Variants in CLMN observed in about 807,000 individuals in gnomAD.
The protein encoded by CLMN is calmin (calponin-like, transmembrane).
In CLMN, 57 loss-of-function variants were observed where a neutral mutation model predicts 92.7. The observed-to-expected ratio is 0.61, with a 90% confidence interval of 0.50 to 0.77. CLMN has a LOEUF of 0.77. CLMN is among the 30% of genes least tolerant of loss of function. The probability of loss-of-function intolerance (pLI) is 0.00; values close to 1 mark genes in which losing one functional copy is unlikely to be tolerated. For missense variants in CLMN, 1,158 were observed against 1,237.5 expected, an observed-to-expected ratio of 0.94 and a Z score of 0.96; for synonymous variants, 466 against 470.6, an observed-to-expected ratio of 0.99 and a Z score of 0.13.
At chr14:95,209,355 T>C (rs1357017035) in intron 8 of CLMN, 40 bp downstream of exon 8, 1 of 1,581,962 alleles carries the variant, frequency 6.3e-7, no homozygotes, top group Non-Finnish European at 8.7e-7. Flanking sequence ...CGGATGGAAA[T>C]GTATGGTGTC....
chr14:95,220,922 G>A (rs1897518090), intron 4 of CLMN, among the ~76,000 whole-genome samples: 1 of 152,212 alleles, frequency 6.6e-6, no homozygotes, highest in African/African-American at 2.4e-5. Context: ...GCCTGGCATG[G>A]GTTCTGTCCC....
intron 1 of CLMN, among the ~76,000 whole-genome samples, chr14:95,257,758 C>G (rs1899060302): frequency 6.6e-6 from 1 of 152,264 alleles, no homozygotes; most frequent in Non-Finnish European, 1.5e-5. Context: ...ATCTCAGCAC[C>G]CTGGTCCTCC....
chr14:95,311,691 G>A (rs1010750609), intron 1 of CLMN, among the ~76,000 whole-genome samples: 4 of 152,070 alleles, frequency 2.6e-5, no homozygotes, highest in Non-Finnish European at 5.9e-5. Context: ...TGCATGCCCC[G>A]ACCCAACCCT....
rs542842206 is a variant in CLMN at position 95,183,187 on chromosome 14, C to G, written c.*8377G>C. On this transcript the variant is annotated 3_prime_UTR_variant, in exon 13 of 13. Coordinates refer to ENST00000298912, the MANE Select transcript of CLMN (RefSeq NM_024734.4). ...ACAGCTAGGACGTGGGTTCTCCATA[C>G]CCATACCAGTGTTGGCCTGCTTTGG... 1 of 152,366 alleles carries G rather than the reference C, an allele frequency of 6.6e-6. No individual in the cohort carries two copies. Among genetic ancestry groups the G allele is most frequent in the East Asian group, 1.9e-4 (1 of 5,192 alleles). 9.4% of individuals were successfully genotyped at this position (152,366 alleles called of 1,614,324 possible). A position where few individuals can be genotyped will look rare whatever the true frequency, so the allele number is the denominator to read the frequency against.
intron 1 of CLMN, among the ~76,000 whole-genome samples, chr14:95,316,444 C>T (rs1901775209): frequency 6.6e-6 from 1 of 152,240 alleles, no homozygotes; most frequent in African/African-American, 2.4e-5. Context: ...ACTGCATCTG[C>T]TCAAGTATCA....
At chr14:95,281,128 T>C (rs1214868032) in intron 1 of CLMN, among the ~76,000 whole-genome samples, 1 of 152,192 alleles carries the variant, frequency 6.6e-6, no homozygotes, top group African/African-American at 2.4e-5. Context: ...CTAATAAAAG[T>C]TCTGACAGGC....
chr14:95,280,742 T>C (rs1368522322), intron 1 of CLMN, among the ~76,000 whole-genome samples: 1 of 152,204 alleles, frequency 6.6e-6, no homozygotes, highest in African/African-American at 2.4e-5. Context: ...GTTTGGCTTT[T>C]GTTGGGCTAT....
chr14:95,195,186 T>C (rs1182264192), intron 10 of CLMN, among the ~76,000 whole-genome samples: 1 of 152,224 alleles, frequency 6.6e-6, no homozygotes, highest in Non-Finnish European at 1.5e-5. Context: ...GCATAGTGGC[T>C]GCTCAAGGAC....
At chr14:95,298,105 C>T (rs773214884) in intron 1 of CLMN, among the ~76,000 whole-genome samples, 2 of 152,084 alleles carry the variant, frequency 1.3e-5, no homozygotes, top group African/African-American at 4.8e-5. Context: ...ACAGAATTCT[C>T]GACTCTCCCA....
chr14:95,295,753 C>G (rs907867125), intron 1 of CLMN, among the ~76,000 whole-genome samples: 1 of 152,200 alleles, frequency 6.6e-6, no homozygotes, highest in Admixed American at 6.5e-5. Flanking sequence ...ATGAATGACC[C>G]ACAAACAAGT....
At chr14:95,247,256 C>A (rs1034539617) in intron 1 of CLMN, among the ~76,000 whole-genome samples, 1 of 152,186 alleles carries the variant, frequency 6.6e-6, no homozygotes, top group African/African-American at 2.4e-5. Flanking sequence ...GGGATTTCAC[C>A]CAGGCCAGCA....
chr14:95,191,685 G>C lies in CLMN; in HGVS notation c.2888C>G (p.Pro963Arg). ...GEAMSLGSHS[P>R]QSDSLTQLVQ... Reference sequence around the variant, plus strand: ...AAGCTGTGTCAGGGAGTCACTCTGCGGGCTGTGGCTCCCCAGTGACATGGC... The same window carrying C: ...AAGCTGTGTCAGGGAGTCACTCTGCCGGCTGTGGCTCCCCAGTGACATGGC... Residue 963 changes from proline to arginine, a missense_variant, in exon 13 of 13, where the codon CCG becomes CGG. Coordinates refer to ENST00000298912, the MANE Select transcript of CLMN (RefSeq NM_024734.4). The surrounding 1 kb of genome is among the most constrained non-coding windows in gnomAD (Gnocchi z 5.3). 3 of 1,612,866 alleles carry C rather than the reference G, an allele frequency of 1.9e-6. No homozygotes were observed. The highest frequency in any genetic ancestry group is 2.2e-5 in the East Asian group (1 of 44,840).
intron 1 of CLMN, among the ~76,000 whole-genome samples, chr14:95,273,859 T>G (rs995271998): frequency 2.0e-5 from 3 of 152,026 alleles, no homozygotes; most frequent in Non-Finnish European, 4.4e-5. Flanking sequence ...GCCAATCCTA[T>G]AGATAAACCG....
intron 1 of CLMN, among the ~76,000 whole-genome samples, chr14:95,287,414 C>G (rs1384615206): frequency 6.6e-6 from 1 of 152,208 alleles, no homozygotes; most frequent in Non-Finnish European, 1.5e-5. Flanking sequence ...GATGTTCAGG[C>G]ATCTCTGGGA....
intron 2 of CLMN, among the ~76,000 whole-genome samples, chr14:95,225,059 T>C (rs1897668735): frequency 6.6e-6 from 1 of 152,094 alleles, no homozygotes; most frequent in Admixed American, 6.5e-5. Context: ...AGAGGTCGAT[T>C]TACATGTCCA....
intron 1 of CLMN, among the ~76,000 whole-genome samples, chr14:95,245,240 A>ATATATATATATATATTATATATATATAT: frequency 3.8e-5 from 1 of 26,124 alleles, no homozygotes; most frequent in South Asian, 1.2e-3. Flanking sequence ...TATATATATT[A>ATATATATATATATATTATATATATATAT]TATATATATA....
In CLMN at chr14:95,194,269, G is replaced by A; in HGVS notation, c.2769+267C>T. On this transcript the variant is annotated intron_variant, in intron 11 of 12. Transcript: ENST00000298912. The surrounding 1 kb of genome is among the most constrained non-coding windows in gnomAD (Gnocchi z 4.0). ...ACGTGATCCTTCTGGGTGCGCGCGG[G>A]GTCCAGGTGAGGCGTTTTGGGTGCG... The A allele has an allele frequency of 7.1e-7, 1 of 1,399,082 alleles. No individual in the cohort carries two copies. The highest frequency in any genetic ancestry group is 2.7e-5 in the East Asian group (1 of 37,202). The allele number at this position is 1,399,082 out of a possible 1,614,324, so 86.7% of individuals were successfully genotyped here. A position where few individuals can be genotyped will look rare whatever the true frequency, so the allele number is the denominator to read the frequency against.
chr14:95,215,862 TG>T, intron 4 of CLMN, 129 bp from the exon 5 acceptor site: 1 of 671,406 alleles, frequency 1.5e-6, no homozygotes, highest in Non-Finnish European at 2.6e-6. Context: ...TGTGTGTGTT[TG>T]CATGAGCCTG....
intron 1 of CLMN, among the ~76,000 whole-genome samples, chr14:95,291,920 T>C (rs74077836): frequency 1.3e-5 from 2 of 152,056 alleles, no homozygotes; most frequent in African/African-American, 4.8e-5. Flanking sequence ...TGAAAAAAAA[T>C]AGGATCCAAA....
Sources: allele counts gnomAD v4.1 joint callset (sites outside exome capture counted in the v4.1 genomes callset), GRCh38; gene constraint gnomAD v4.1.1; non-coding constraint Gnocchi (gnomAD v3.1); transcripts MANE v1.5; gene names NCBI Gene and HGNC (gene_info 2026-07-23, HGNC 2026-07-21).